Variants in CNOT1 observed in about 807,000 individuals in gnomAD.
The protein encoded by CNOT1 is CCR4-associated factor 1.
A neutral mutation model predicts 273.8 loss-of-function variants in CNOT1; 15 were observed. That is an observed-to-expected ratio of 0.05 (90% CI 0.04 to 0.08). CNOT1 has a LOEUF of 0.08. Ranked by LOEUF, CNOT1 falls within the 10% of genes least tolerant of loss-of-function variation. The pLI is 1.00. For missense variants in CNOT1, 1,644 were observed against 2,912.2 expected, an observed-to-expected ratio of 0.56 and a Z score of 10.02; for synonymous variants, 1,022 against 1,005.5, an observed-to-expected ratio of 1.02 and a Z score of -0.31.
At position 58,558,606 on chromosome 16, in the gene CNOT1, C is replaced by A. The variant is rs2040718503; in HGVS notation, c.2199G>T (p.Met733Ile). 1 of 1,612,976 alleles carries A rather than the reference C, an allele frequency of 6.2e-7. No individual in the cohort carries two copies. The highest frequency in any genetic ancestry group is 8.5e-7 in the Non-Finnish European group (1 of 1,179,596). The change falls in exon 18 of 49, where the codon ATG becomes ATT. Residue 733 changes from methionine to isoleucine, a missense_variant. Physicochemically the swap from Met to Ile is conservative, Grantham distance 10. Transcript: ENST00000317147. ...AACCCAAATTTGGAGGAAAACCCTG[C>A]ATACTCTGGGTGTGAGGGGCAGCTG... is the stretch of plus-strand genomic sequence containing the variant. Reference protein sequence around the residue: ...GGSAAPHTQSMQGFPPNLGSA... With the variant: ...GGSAAPHTQSIQGFPPNLGSA...
chr16:58,525,110 A>T, intron 46 of CNOT1, 69 bp downstream of exon 46: 2 of 1,449,136 alleles, frequency 1.4e-6, no homozygotes, highest in South Asian at 2.3e-5. Context: ...GCATTTTTAC[A>T]TTTTTGTGAT....
At chr16:58,601,884 A>C (rs1265533174) in intron 1 of CNOT1, among the ~76,000 whole-genome samples, 1 of 151,502 alleles carries the variant, frequency 6.6e-6, no homozygotes, top group Non-Finnish European at 1.5e-5. Flanking sequence ...AAAAAAAAAA[A>C]AAGTAAAATA....
chr16:58,592,523 T>C (rs1196742666), intron 2 of CNOT1, among the ~76,000 whole-genome samples: 2 of 152,100 alleles, frequency 1.3e-5, no homozygotes, highest in South Asian at 2.1e-4. Context: ...GGTTGCAGCG[T>C]GCCATGAATG....
At chr16:58,549,063 T>C (rs1319754553) in intron 25 of CNOT1, among the ~76,000 whole-genome samples, 2 of 151,440 alleles carry the variant, frequency 1.3e-5, no homozygotes, top group Admixed American at 1.3e-4. Flanking sequence ...CCGAGGAGGG[T>C]GGATCACCTA....
At chr16:58,554,293 G>C (rs541406159) in intron 21 of CNOT1, among the ~76,000 whole-genome samples, 1 of 152,024 alleles carries the variant, frequency 6.6e-6, no homozygotes, top group African/African-American at 2.4e-5. Flanking sequence ...TGGCATTCTA[G>C]AAAAACTTTA....
intron 30 of CNOT1, among the ~76,000 whole-genome samples, chr16:58,544,793 T>C (rs1023127204): frequency 1.1e-4 from 17 of 152,182 alleles, no homozygotes; most frequent in Admixed American, 1.0e-3. Flanking sequence ...CAATAAAATG[T>C]CCCCTTGAAT....
intron 46 of CNOT1, 52 bp from the exon 47 acceptor site, chr16:58,523,554 GAAGACAGTTCT>G (rs1244269446): frequency 1.3e-6 from 2 of 1,587,190 alleles, no homozygotes; most frequent in Non-Finnish European, 8.6e-7. Context: ...GCCAACATGG[GAAGACAGTTCT>G]AACTGGCTAG....
chr16:58,609,334 T>G (rs1484263902), intron 1 of CNOT1, among the ~76,000 whole-genome samples: 1 of 151,764 alleles, frequency 6.6e-6, no homozygotes, highest in Non-Finnish European at 1.5e-5. Context: ...CTCTTGCCAT[T>G]GCACTCCAGC....
At position 58,526,549 on chromosome 16, in the gene CNOT1, C is replaced by T. The variant is rs1020344797; in HGVS notation, c.6454-411G>A. On this transcript the variant is annotated intron_variant, in intron 44 of 48. Coordinates refer to ENST00000317147, the MANE Select transcript of CNOT1 (RefSeq NM_016284.5). ...AAAAAAAAAAAAAATTGAAGCCGGG[C>T]GCAGTGGCTCACGCCTGTAAACCCA... 3.4e-5 allele frequency among the ~76,000 whole-genome samples: 5 copies of T among 145,860 alleles called. No individual in the cohort carries two copies. In the East Asian group the frequency reaches 6.0e-4, roughly 17 times the overall value.
At chr16:58,600,062 T>C (rs2042407034) in intron 1 of CNOT1, among the ~76,000 whole-genome samples, 2 of 150,908 alleles carry the variant, frequency 1.3e-5, no homozygotes, top group African/African-American at 4.9e-5. Context: ...AGACTCCAAC[T>C]TGGGGGAAAA....
At position 58,586,583 on chromosome 16, in the gene CNOT1, T is replaced by C. The variant is rs763786468; in HGVS notation, c.599A>G (p.Gln200Arg). 4 of 1,612,212 alleles carry C rather than the reference T, an allele frequency of 2.5e-6. No individual in the cohort carries two copies. The highest frequency in any genetic ancestry group is 8.5e-7 in the Non-Finnish European group (1 of 1,179,612). Reference sequence around the variant, plus strand: ...CTTAAGAAAAGCGTCTATCTGTTCTTGTCCAACTCCAAAGGCTCCCTTCTG... The same window carrying C: ...CTTAAGAAAAGCGTCTATCTGTTCTCGTCCAACTCCAAAGGCTCCCTTCTG... Reference protein sequence around the residue: ...FGQKGAFGVGQEQIDAFLKTL... With the variant: ...FGQKGAFGVGREQIDAFLKTL... Residue 200 changes from glutamine to arginine, a missense_variant, in exon 7 of 49, where the codon CAA (glutamine) becomes CGA (arginine). Around this residue, in one of 13 missense-constraint regions of CNOT1, gnomAD observed 706 missense variants for 1,021.2 expected, o/e 0.69. Coordinates refer to ENST00000317147, the MANE Select transcript of CNOT1 (RefSeq NM_016284.5).
intron 29 of CNOT1, 123 bp from the exon 30 acceptor site, chr16:58,545,614 G>C: frequency 1.3e-3 from 1,507 of 1,158,222 alleles, no homozygotes; most frequent in Non-Finnish European, 1.6e-3. Flanking sequence ...GAGGAGGGAA[G>C]GATGTAGCAG....
chr16:58,525,285 G>C lies in CNOT1; in HGVS notation c.6678C>G (p.Ala2226=). 1 of 1,613,980 alleles carries C rather than the reference G, an allele frequency of 6.2e-7. No individual in the cohort carries two copies. ...NALVLYVGTQ[A]IAHIHNKGST... ...TGCCCTTGTTGTGGATGTGCGCAAT[G>C]GCCTGAGTCCCGACATAGAGCACCA... Residue 2226 remains alanine (A), a synonymous_variant, in exon 46 of 49, where the codon GCC becomes GCG. Coordinates refer to ENST00000317147, the MANE Select transcript of CNOT1 (RefSeq NM_016284.5).
intron 47 of CNOT1, among the ~76,000 whole-genome samples, chr16:58,522,492 T>G (rs569553313): frequency 4.4e-4 from 51 of 117,004 alleles, no homozygotes; most frequent in Non-Finnish European, 6.8e-4. Context: ...AATACCATAT[T>G]TAGCACCATA....
chr16:58,617,035 T>C (rs2043113357), intron 1 of CNOT1, among the ~76,000 whole-genome samples: 2 of 152,206 alleles, frequency 1.3e-5, no homozygotes, highest in South Asian at 2.1e-4. Flanking sequence ...GAAGAGTTAC[T>C]GGCATTCAGT....
intron 13 of CNOT1, among the ~76,000 whole-genome samples, chr16:58,577,330 T>C (rs893713064): frequency 1.3e-5 from 2 of 152,100 alleles, no homozygotes; most frequent in Non-Finnish European, 1.5e-5. Flanking sequence ...ACAGCTATGG[T>C]GAGAAAGGAA....
chr16:58,548,197 T>A (rs2040323767), intron 25 of CNOT1, among the ~76,000 whole-genome samples: 1 of 152,186 alleles, frequency 6.6e-6, no homozygotes, highest in Non-Finnish European at 1.5e-5. Flanking sequence ...CCAAGATAAC[T>A]TTCTGAGATA....
chr16:58,521,845 G>A (rs1033809098), intron 47 of CNOT1, among the ~76,000 whole-genome samples: 1 of 151,520 alleles, frequency 6.6e-6, no homozygotes, highest in African/African-American at 2.4e-5. Flanking sequence ...CCCAGCAGTC[G>A]GACGCTGAGG....
intron 1 of CNOT1, among the ~76,000 whole-genome samples, chr16:58,627,968 C>G (rs1190808990): frequency 6.6e-6 from 1 of 152,176 alleles, no homozygotes; most frequent in Non-Finnish European, 1.5e-5. Context: ...GCTGGGATTA[C>G]AGGCACCTGC....
Sources: allele counts gnomAD v4.1 joint callset (sites outside exome capture counted in the v4.1 genomes callset), GRCh38; gene constraint gnomAD v4.1.1; regional missense constraint gnomAD v4.1.1; transcripts MANE v1.5; gene names NCBI Gene and HGNC (gene_info 2026-07-23, HGNC 2026-07-21).